The following ABCA3 variants were observed in gnomAD, a reference collection of about 807,000 sequenced individuals.
The protein encoded by ABCA3 is phospholipid-transporting ATPase ABCA3.
A neutral mutation model predicts 172.8 loss-of-function variants in ABCA3; 88 were observed. That is an observed-to-expected ratio of 0.51 (90% CI 0.43 to 0.61). The LOEUF (loss-of-function observed/expected upper bound fraction) is 0.61. ABCA3 is among the 20% of genes least tolerant of loss of function. The probability of loss-of-function intolerance (pLI) is 0.00; values close to 1 mark genes in which losing one functional copy is unlikely to be tolerated. For missense variants in ABCA3, 2,164 were observed against 2,301.0 expected (o/e 0.94, Z 1.22); for synonymous variants, 1,066 against 983.8 (o/e 1.08, Z -1.56).
chr16:2,335,880 T>A (rs1370270627), intron 1 of ABCA3, among the ~76,000 whole-genome samples: 3 of 152,258 alleles, frequency 2.0e-5, no homozygotes, highest in African/African-American at 7.2e-5. Context: ...CTTGGAGGTT[T>A]ACTGGTCATT....
intron 19 of ABCA3, among the ~76,000 whole-genome samples, chr16:2,289,961 TCACACACACA>T (rs3138606): frequency 3.8e-4 from 52 of 138,312 alleles, no homozygotes; most frequent in African/African-American, 7.8e-4. Flanking sequence ...GTGAATTACA[TCACACACACA>T]CACACACACA....
rs905868872 is a variant in ABCA3, at chr16:2,289,550, C to T, written c.2584G>A (p.Glu862Lys). 6.4e-6 allele frequency: 10 copies of T among 1,566,746 alleles called. No homozygotes were observed. The African/African-American group carries it at 9.4e-5, about 15-fold the overall frequency. The change falls in exon 20 of 33, where the codon GAG (glutamate) becomes AAG (lysine). Residue 862 changes from glutamate (E) to lysine (K), a missense_variant. Glu to Lys is a moderately conservative substitution (Grantham distance 56). This residue lies in a region of ABCA3 where 1,343 missense variants were observed against 1,369.6 expected (regional missense o/e 0.98). Coordinates refer to ENST00000301732, the MANE Select transcript of ABCA3 (RefSeq NM_001089.3). ...ACAGCCCAGTCGCTGGCGCGCCTCT[C>T]GTGCTGGTACTGCAGGGCAGGGAGC... ...IQLPALQYQH[E>K]RRASDWAVDS...
chr16:2,276,839 A>G, intron 32 of ABCA3, 34 bp from the exon 33 acceptor site: 1 of 1,612,762 alleles, frequency 6.2e-7, no homozygotes, highest in Non-Finnish European at 8.5e-7. Context: ...GGTAGGAGAG[A>G]ACAGGGCCCA....
At position 2,281,806 on chromosome 16, in the gene ABCA3, A is replaced by G. The variant is rs1285388761; in HGVS notation, c.4036-297T>C. Among the ~76,000 whole-genome samples, 1 of 143,638 alleles carries G rather than the reference A, an allele frequency of 7.0e-6. No homozygotes were observed. Among genetic ancestry groups the G allele is most frequent in the Non-Finnish European group, 1.5e-5 (1 of 65,000 alleles). 94.2% of individuals were successfully genotyped at this position (143,638 alleles called of 152,430 possible). On this transcript the variant is annotated intron_variant, in intron 26 of 32. Transcript: ENST00000301732. This position sits in a 1 kb window ranked among gnomAD's most constrained non-coding sequence, Gnocchi z 4.7. ...GAATATAAAATAAGATTTTTAGACA[A>G]TTTTTTTTTTTTTTTTGAGACAGAG...
intron 11 of ABCA3, among the ~76,000 whole-genome samples, chr16:2,306,674 C>A (rs2070864335): frequency 6.6e-6 from 1 of 152,118 alleles, no homozygotes. Flanking sequence ...GAATGAGAGC[C>A]CACAGGCCAA....
intron 13 of ABCA3, 56 bp from the exon 14 acceptor site, chr16:2,299,588 A>C: frequency 2.5e-6 from 4 of 1,607,154 alleles, no homozygotes; most frequent in South Asian, 2.2e-5. Context: ...GCCCACGGCC[A>C]AGGCCTCTCC....
At chr16:2,308,779 G>C (rs570117331) in intron 10 of ABCA3, among the ~76,000 whole-genome samples, 156 bp from the exon 11 acceptor site, 79 of 152,244 alleles carry the variant, frequency 5.2e-4, no homozygotes, top group Non-Finnish European at 7.6e-4. Flanking sequence ...TCCAGCACGG[G>C]GGGACACCAG....
At chr16:2,301,338 T>G (rs1041656932) in intron 12 of ABCA3, among the ~76,000 whole-genome samples, 7 of 152,160 alleles carry the variant, frequency 4.6e-5, no homozygotes, top group Non-Finnish European at 7.4e-5. Flanking sequence ...CCTCTAACGG[T>G]CAGTGTCATC....
intron 19 of ABCA3, among the ~76,000 whole-genome samples, chr16:2,290,877 CTTTT>C (rs1567340809): frequency 6.6e-6 from 1 of 152,046 alleles, no homozygotes; most frequent in Non-Finnish European, 1.5e-5. Context: ...ACGTTTTTTT[CTTTT>C]TCTTTTGACA....
chr16:2,284,980 C>A lies in ABCA3; in HGVS notation c.3502G>T (p.Asp1168Tyr). 1 of 1,613,412 alleles carries A rather than the reference C, an allele frequency of 6.2e-7. No individual in the cohort carries two copies. The highest frequency in any genetic ancestry group is 1.1e-5 in the South Asian group (1 of 91,060). The change falls in exon 24 of 33, where the codon GAC becomes TAC. Residue 1168 changes from aspartate (D) to tyrosine (Y), a missense_variant. Coordinates refer to ENST00000301732, the MANE Select transcript of ABCA3 (RefSeq NM_001089.3). The surrounding 1 kb of genome is among the most constrained non-coding windows in gnomAD (Gnocchi z 5.9). ...CCGTCCCGCGTGAAGGCACGCACGT[C>A]GAAGGCCTTAAACACCACCTGCGGC... The part of the protein sequence containing the change: ...LLLLVVFKAF[D>Y]VRAFTRDGHM...
rs1244232485 is a variant in ABCA3, at chr16:2,288,274, C to T, written c.2756G>A (p.Ser919Asn). 1 of 1,584,406 alleles carries T rather than the reference C, an allele frequency of 6.3e-7. No individual in the cohort carries two copies. Among genetic ancestry groups the T allele is most frequent in the African/African-American group, 1.3e-5 (1 of 74,620 alleles). ...WAMFLKKAAYSWREWKMVAAQ... is the reference protein window; with the variant it reads ...WAMFLKKAAYNWREWKMVAAQ... The stretch of plus-strand genomic sequence containing the variant: ...CGCCACCATTTTCCACTCGCGCCAG[C>T]TGTATGCGGCCTTCTTCAGGAACAT... Residue 919 changes from serine (S) to asparagine (N), a missense_variant, in exon 21 of 33, where the codon AGC becomes AAC. Transcript: ENST00000301732.
At position 2,319,797 on chromosome 16, in the gene ABCA3, G is replaced by C. The variant is rs371695471; in HGVS notation, c.657C>G (p.Asp219Glu). ...CGGCATGGTACTCCATGATGGCCCG[G>C]TCCACAGCATGCTGCACGGCCAGGA... ...EGFLAVQHAV[D>E]RAIMEYHADA... is the part of the protein sequence containing the mutation. The change falls in exon 8 of 33, where the codon GAC (aspartate) becomes GAG (glutamate). Residue 219 changes from aspartate to glutamate, a missense_variant. Asp to Glu is a conservative substitution (Grantham distance 45). Coordinates refer to ENST00000301732, the MANE Select transcript of ABCA3 (RefSeq NM_001089.3). The C allele has an allele frequency of 3.2e-5, 51 of 1,613,924 alleles. No homozygotes were observed. Among genetic ancestry groups the C allele is most frequent in the Non-Finnish European group, 4.1e-5 (48 of 1,180,036 alleles).
chr16:2,293,694 C>T (rs967781494), intron 18 of ABCA3, among the ~76,000 whole-genome samples: 16 of 151,774 alleles, frequency 1.1e-4, no homozygotes, highest in Admixed American at 8.5e-4. Context: ...CCCGCCACCA[C>T]GCCCGGCTAA....
At chr16:2,324,565 C>T in intron 5 of ABCA3, 34 bp from the exon 6 acceptor site, 2 of 1,605,408 alleles carry the variant, frequency 1.2e-6, no homozygotes, top group Non-Finnish European at 1.7e-6. Context: ...TGTGGTTGCC[C>T]AATCGGCCCT....
chr16:2,300,502 A>G (rs1393743950), intron 12 of ABCA3, among the ~76,000 whole-genome samples: 1 of 152,202 alleles, frequency 6.6e-6, no homozygotes, highest in Non-Finnish European at 1.5e-5. Context: ...CAAAATGGAA[A>G]GAAAGCTGTG....
chr16:2,289,933 G>A (rs2093669212), intron 19 of ABCA3, among the ~76,000 whole-genome samples: 2 of 149,736 alleles, frequency 1.3e-5, no homozygotes, highest in Admixed American at 1.3e-4. Flanking sequence ...GGCAGAGGAG[G>A]TGATTTTTTA....
Position 2,276,515 on chromosome 16 carries a change from C to T in ABCA3, c.*159G>A, listed in dbSNP as rs1198894818. On this transcript the variant is annotated 3_prime_UTR_variant, in exon 33 of 33. Transcript: ENST00000301732. ...GATCCTGGGCATGAGGGCTGGGCTG[C>T]ACTCGTCCATTCTGTGCATACTGCC... 4 of 1,219,922 alleles carry T rather than the reference C, an allele frequency of 3.3e-6. No homozygotes were observed. The African/African-American group carries it at 4.5e-5, about 14-fold the overall frequency. 75.6% of individuals were successfully genotyped at this position (1,219,922 alleles called of 1,614,324 possible). A position where few individuals can be genotyped will look rare whatever the true frequency, so the allele number is the denominator to read the frequency against.
At chr16:2,321,050 C>T (rs1309120449) in intron 7 of ABCA3, among the ~76,000 whole-genome samples, 1 of 144,066 alleles carries the variant, frequency 6.9e-6, no homozygotes. Flanking sequence ...CCAGTTTGTA[C>T]ATGCTGAAAT....
At chr16:2,289,686 G>A in intron 19 of ABCA3, 66 bp from the exon 20 acceptor site, 2 of 1,514,516 alleles carry the variant, frequency 1.3e-6, no homozygotes, top group Non-Finnish European at 1.8e-6. Context: ...GAGGGACTAT[G>A]GTTAGAGGCA....
Sources: allele counts gnomAD v4.1 joint callset (sites outside exome capture counted in the v4.1 genomes callset), GRCh38; gene constraint gnomAD v4.1.1; regional missense constraint gnomAD v4.1.1; non-coding constraint Gnocchi (gnomAD v3.1); transcripts MANE v1.5; gene names NCBI Gene and HGNC (gene_info 2026-07-23, HGNC 2026-07-21).